Variants in SLC15A5 observed in about 807,000 individuals in gnomAD.
SLC15A5 encodes Peptide/histidine transporter ENSP00000340402.
SLC15A5 carries 58 observed loss-of-function variants against 56.1 expected under a neutral mutation model. That is an observed-to-expected ratio of 1.03 (90% confidence interval 0.84 to 1.29). The LOEUF (loss-of-function observed/expected upper bound fraction) is 1.29. Among genes scored for constraint, SLC15A5 ranks in the 50% most tolerant of loss-of-function variants. The pLI is 0.00. For synonymous variants in SLC15A5, 264 were observed against 250.5 expected, an observed-to-expected ratio of 1.05 and a Z score of -0.51; for missense variants, 681 against 672.1, an observed-to-expected ratio of 1.01 and a Z score of -0.15.
chr12:16,197,145 T>TGAC lies in SLC15A5; in HGVS notation c.1484-2693_1484-2692insGTC, dbSNP rs1451146397. ...ATTGCCATATTACGTATTCAAACTTTCTATAATGCTCCTGTATTCATTCTT... is the reference window on the plus strand; with the variant it reads ...ATTGCCATATTACGTATTCAAACTTTGACCTATAATGCTCCTGTATTCATTCTT... On this transcript the variant is annotated intron_variant, in intron 7 of 8. Coordinates refer to ENST00000344941, the MANE Select transcript of SLC15A5 (RefSeq NM_001170798.1). Among the ~76,000 whole-genome samples, 7 of 152,258 alleles carry TGAC rather than the reference T, an allele frequency of 4.6e-5. 1 individual carries two copies. The East Asian group carries it at 1.4e-3, about 29-fold the overall frequency.
Position 16,247,451 on chromosome 12 carries a change from T to C in SLC15A5, c.755-2651A>G, listed in dbSNP as rs75462343. ...TGAAAATATAGCAGTGAACGGTACC[T>C]ACAAACTCCTGATTCTTCTTTGTGG... On this transcript the variant is annotated intron_variant, in intron 3 of 8. Transcript: ENST00000344941. Among the ~76,000 whole-genome samples, 1,407 of 152,262 alleles carry C rather than the reference T, an allele frequency of 9.2e-3. 11 individuals are homozygous for C. Among genetic ancestry groups the C allele is most frequent in the Non-Finnish European group, 0.015 (1,036 of 68,008 alleles).
At chr12:16,209,874 TCTTCC>T (rs1864061643) in intron 7 of SLC15A5, among the ~76,000 whole-genome samples, 1 of 152,158 alleles carries the variant, frequency 6.6e-6, no homozygotes, top group East Asian at 1.9e-4. Flanking sequence ...AATTATTCTT[TCTTCC>T]CTCAAAAATC....
At chr12:16,244,515 G>C in intron 4 of SLC15A5, 65 bp downstream of exon 4, 1 of 1,413,544 alleles carries the variant, frequency 7.1e-7, no homozygotes, top group Non-Finnish European at 9.6e-7. Flanking sequence ...AATTCACCTT[G>C]ACTTGCACTG....
At chr12:16,257,029 AC>A (rs1864583229) in intron 3 of SLC15A5, among the ~76,000 whole-genome samples, 1 of 152,086 alleles carries the variant, frequency 6.6e-6, no homozygotes, top group African/African-American at 2.4e-5. Context: ...AAACAAAAAA[AC>A]AAATTTCAAA....
intron 7 of SLC15A5, among the ~76,000 whole-genome samples, chr12:16,204,300 T>C (rs1488550746): frequency 2.0e-5 from 3 of 151,524 alleles, no homozygotes; most frequent in Non-Finnish European, 4.4e-5. Flanking sequence ...TACTAAAAAA[T>C]ACAAAAATTA....
intron 7 of SLC15A5, among the ~76,000 whole-genome samples, chr12:16,211,270 A>G (rs1864077180): frequency 6.6e-6 from 1 of 152,208 alleles, no homozygotes; most frequent in Non-Finnish European, 1.5e-5. Flanking sequence ...GCAACTGCAA[A>G]TTCCTGTTTC....
chr12:16,238,629 C>CAAAAA (rs36053667), intron 5 of SLC15A5, among the ~76,000 whole-genome samples: 19 of 115,900 alleles, frequency 1.6e-4, no homozygotes, highest in East Asian at 4.9e-4. Context: ...GACTCCGTCT[C>CAAAAA]AAAAAAAAAA....
intron 8 of SLC15A5, among the ~76,000 whole-genome samples, chr12:16,193,013 AT>A (rs1389924341): frequency 6.6e-6 from 1 of 152,132 alleles, no homozygotes; most frequent in African/African-American, 2.4e-5. Context: ...AAAGACAAGG[AT>A]CAAACCTTAC....
In SLC15A5 at chr12:16,277,467, G is replaced by C; in HGVS notation, c.219C>G (p.Gly73=). 6.5e-7 allele frequency: 1 copy of C among 1,536,548 alleles called. No individual in the cohort carries two copies. The highest frequency in any genetic ancestry group is 8.7e-7 in the Non-Finnish European group (1 of 1,146,448). ...NMIPFCTIKL[G]YHNCQAAILN... Reference sequence around the variant, plus strand: ...AGATGGCTGCTTGGCAATTGTGATAGCCAAGCTTGATAGTGCAAAAGGGGA... The same window carrying C: ...AGATGGCTGCTTGGCAATTGTGATACCCAAGCTTGATAGTGCAAAAGGGGA... Residue 73 remains glycine (G), a synonymous_variant, in exon 1 of 9, where the codon GGC becomes GGG. Transcript: ENST00000344941.
rs1863874508 is a variant in SLC15A5 at position 16,194,406 on chromosome 12, A to G, written c.1531T>C (p.Phe511Leu). ...AATGTTAATGATGCCAGGAAGAAGA[A>G]GAAGCTTTCTAAATTGCCTTTGTTT... ...TLNKGNLESF[F>L]FFLASLTLLN... Residue 511 changes from phenylalanine (F) to leucine (L), a missense_variant, in exon 8 of 9, where the codon TTC (phenylalanine) becomes CTC (leucine). Physicochemically the swap from Phe to Leu is conservative, Grantham distance 22 (BLOSUM62 0). Coordinates refer to ENST00000344941, the MANE Select transcript of SLC15A5 (RefSeq NM_001170798.1). 6.5e-7 allele frequency: 1 copy of G among 1,535,536 alleles called. No homozygotes were observed. The highest frequency in any genetic ancestry group is 1.2e-5 in the South Asian group (1 of 83,924).
chr12:16,228,342 A>T (rs11830892), intron 5 of SLC15A5, among the ~76,000 whole-genome samples: 2,290 of 152,336 alleles, frequency 0.015, 57 homozygotes, highest in African/African-American at 0.051. Flanking sequence ...CAAGACAATG[A>T]AGTAAAAGTG....
chr12:16,205,912 T>A (rs140437027), intron 7 of SLC15A5, among the ~76,000 whole-genome samples: 1 of 152,140 alleles, frequency 6.6e-6, no homozygotes, highest in East Asian at 1.9e-4. Context: ...TTGGAGACAG[T>A]GAGGAATTAT....
chr12:16,232,451 T>A (rs527933005), intron 5 of SLC15A5, among the ~76,000 whole-genome samples: 34 of 152,266 alleles, frequency 2.2e-4, no homozygotes, highest in Non-Finnish European at 3.7e-4. Flanking sequence ...AAACTTTTTT[T>A]AAAAATAAAA....
At chr12:16,231,980 A>G (rs1864304034) in intron 5 of SLC15A5, among the ~76,000 whole-genome samples, 1 of 152,200 alleles carries the variant, frequency 6.6e-6, no homozygotes, top group South Asian at 2.1e-4. Flanking sequence ...ATGGCATTCT[A>G]CAGAGAAACC....
rs1023497429 is a variant in SLC15A5, at chr12:16,243,069, G to T, written c.975+1511C>A. 2.0e-5 allele frequency among the ~76,000 whole-genome samples: 3 copies of T among 152,104 alleles called. No individual in the cohort carries two copies. Among genetic ancestry groups the T allele is most frequent in the Non-Finnish European group, 4.4e-5 (3 of 68,032 alleles). On this transcript the variant is annotated intron_variant, in intron 4 of 8. Transcript: ENST00000344941. The surrounding 1 kb of genome is among the most constrained non-coding windows in gnomAD (Gnocchi z 4.4). ...AGATAGTAAATATGTCCACATATGG[G>T]TTCCGTGGCAATTACTCAACTCTGC...
Position 16,216,986 on chromosome 12 carries a change from T to C in SLC15A5, c.1390A>G (p.Arg464Gly), listed in dbSNP as rs1864135988. 11 of 1,536,822 alleles carry C rather than the reference T, an allele frequency of 7.2e-6. 1 individual carries two copies. Among genetic ancestry groups the C allele is most frequent in the Middle Eastern group, 1.7e-4 (1 of 5,988 alleles). The change falls in exon 7 of 9, where the codon AGA (arginine) becomes GGA (glycine). Residue 464 changes from arginine to glycine, a missense_variant. Coordinates refer to ENST00000344941, the MANE Select transcript of SLC15A5 (RefSeq NM_001170798.1). ...ISYRFVPSNV[R>G]GTSMNFLTLF... Reference sequence around the variant, plus strand: ...GTCAGAAAATTCATGGAGGTTCCTCTGACATTGCTTGGAACAAATCTGTAT... The same window carrying C: ...GTCAGAAAATTCATGGAGGTTCCTCCGACATTGCTTGGAACAAATCTGTAT...
intron 5 of SLC15A5, among the ~76,000 whole-genome samples, chr12:16,225,039 C>T (rs1405715040): frequency 6.6e-6 from 1 of 152,118 alleles, no homozygotes; most frequent in East Asian, 1.9e-4. Context: ...CATCCACGTT[C>T]CTACAAAGGA....
rs147268680 is a variant in SLC15A5, at chr12:16,264,209, A to C, written c.585-6339T>G. Among the ~76,000 whole-genome samples the C allele has an allele frequency of 8.1e-3, 1,229 of 152,274 alleles. 14 individuals are homozygous for C. Among genetic ancestry groups the C allele is most frequent in the African/African-American group, 0.028 (1,153 of 41,560 alleles). ...GAGTTGCTGAAGGCCATGGGAACCC[A>C]CCTCTTGCATTAGCATGACCTAAAT... On this transcript the variant is annotated intron_variant, in intron 2 of 8. Transcript: ENST00000344941.
intron 7 of SLC15A5, among the ~76,000 whole-genome samples, chr12:16,210,661 A>G (rs1864071187): frequency 6.6e-6 from 1 of 152,114 alleles, no homozygotes; most frequent in Non-Finnish European, 1.5e-5. Context: ...ATAAACTGGG[A>G]CTCAGTATGG....
Sources: allele counts gnomAD v4.1 joint callset (sites outside exome capture counted in the v4.1 genomes callset), GRCh38; gene constraint gnomAD v4.1.1; non-coding constraint Gnocchi (gnomAD v3.1); transcripts MANE v1.5; gene names NCBI Gene and HGNC (gene_info 2026-07-23, HGNC 2026-07-21).